The following YLPM1 variants were observed in gnomAD, a reference collection of about 807,000 sequenced individuals.
YLPM1 encodes YLP motif-containing protein 1.
In YLPM1, 99 loss-of-function variants were observed where a neutral mutation model predicts 230.0. The ratio of observed to expected loss-of-function variants is 0.43; its 90% CI spans 0.37 to 0.51. The LOEUF (loss-of-function observed/expected upper bound fraction) is 0.51. Ranked by LOEUF, YLPM1 falls within the 20% of genes least tolerant of loss-of-function variation. The pLI is 0.00. For synonymous variants in YLPM1, 984 were observed against 942.5 expected, an observed-to-expected ratio of 1.04 and a Z score of -0.81; for missense variants, 2,592 against 2,707.7, an observed-to-expected ratio of 0.96 and a Z score of 0.95.
Position 74,786,859 on chromosome 14 carries a change from G to A in YLPM1, c.2282+4534G>A, listed in dbSNP as rs113509469. Among the ~76,000 whole-genome samples, 141 of 152,220 alleles carry A rather than the reference G, an allele frequency of 9.3e-4. 1 individual carries two copies. The highest frequency in any genetic ancestry group is 3.3e-3 in the African/African-American group (136 of 41,546). On this transcript the variant is annotated intron_variant, in intron 4 of 20. Transcript: ENST00000325680. ...ATTATAGAGTATATACATGTTCTGC[G>A]TTAATGGGTATTGTTAAACATTTTT... is the stretch of plus-strand genomic sequence containing the variant.
In YLPM1 at chr14:74,781,412, C is replaced by T. The variant is rs564055671; in HGVS notation, c.1369C>T (p.Arg457Ter). The T allele has an allele frequency of 2.5e-6, 4 of 1,602,730 alleles. No homozygotes were observed. The highest frequency in any genetic ancestry group is 1.7e-5 in the Admixed American group (1 of 57,938). The change falls in exon 4 of 21, where the codon CGA becomes TGA. Residue 457 changes from arginine to a stop codon, truncating the protein, a stop_gained. Coordinates refer to ENST00000325680, the MANE Select transcript of YLPM1 (RefSeq NM_019589.3). LOFTEE classifies it high-confidence loss of function. ...TCAACATCTTTACCAAGAATGGGAG[C>T]GAGAGTTTCAGCTATGGGAGGAACA... ...QFQHLYQEWE[R>*]EFQLWEEQLH...
chr14:74,774,264 G>T (rs1051794715), intron 1 of YLPM1, among the ~76,000 whole-genome samples: 1 of 151,966 alleles, frequency 6.6e-6, no homozygotes, highest in Non-Finnish European at 1.5e-5. Context: ...GTTTTGTTTT[G>T]TTTTCTTTGA....
chr14:74,794,855 A>G (rs898168504), intron 4 of YLPM1, among the ~76,000 whole-genome samples: 2 of 152,224 alleles, frequency 1.3e-5, no homozygotes, highest in South Asian at 2.1e-4. Context: ...TATTTCTGCA[A>G]TGGTCATGTG....
intron 18 of YLPM1, among the ~76,000 whole-genome samples, chr14:74,827,138 T>TAATGTA (rs2091569882): frequency 6.6e-6 from 1 of 152,204 alleles, no homozygotes; most frequent in South Asian, 2.1e-4. Context: ...TACATAGATG[T>TAATGTA]ATCTAAGGAA....
chr14:74,823,717 G>A (rs1193668226), intron 17 of YLPM1, among the ~76,000 whole-genome samples: 2 of 152,110 alleles, frequency 1.3e-5, no homozygotes, highest in African/African-American at 4.8e-5. Context: ...TTAAAATGAA[G>A]TTGAACTTCC....
At chr14:74,827,664 C>G in intron 18 of YLPM1, 1 of 985,284 alleles carries the variant, frequency 1.0e-6, no homozygotes, top group Non-Finnish European at 1.2e-6. Flanking sequence ...CAAAGTTGAT[C>G]GTATTAAGTT....
rs766601480 is a variant in YLPM1 at position 74,797,637 on chromosome 14, C to G, written c.2340C>G (p.Pro780=). ...GGTCAAGGTGTGAAGGACCGAGACC[C>G]AAAGGGCCTCGTTTTGAAGGAAATC... ...DLGSRCEGPR[P]KGPRFEGNRP... The change falls in exon 5 of 21, where the codon CCC becomes CCG. Residue 780 remains proline (P), a synonymous_variant. Transcript: ENST00000325680. The G allele has an allele frequency of 5.1e-6, 8 of 1,570,966 alleles. No homozygotes were observed. The highest frequency in any genetic ancestry group is 2.3e-5 in the South Asian group (2 of 86,212).
chr14:74,816,295 G>A, intron 12 of YLPM1, 30 bp downstream of exon 12: 1 of 1,592,836 alleles, frequency 6.3e-7, no homozygotes, highest in Non-Finnish European at 8.6e-7. Context: ...AAAATCAGCT[G>A]CTTGTGCTGC....
At chr14:74,822,335 T>C (rs1368625570) in intron 17 of YLPM1, among the ~76,000 whole-genome samples, 1 of 152,186 alleles carries the variant, frequency 6.6e-6, no homozygotes, top group Admixed American at 6.5e-5. Flanking sequence ...GTCTTTCTTT[T>C]GTGGAGATTT....
chr14:74,792,924 A>G (rs1325888665), intron 4 of YLPM1, among the ~76,000 whole-genome samples: 8 of 152,216 alleles, frequency 5.3e-5, no homozygotes, highest in Non-Finnish European at 1.2e-4. Flanking sequence ...GTCGTCCTGT[A>G]TCTGACAATG....
chr14:74,812,762 C>T lies in YLPM1; in HGVS notation c.5482C>T (p.Arg1828Trp). Residue 1828 changes from arginine to tryptophan, a missense_variant, in exon 11 of 21, where the codon CGG becomes TGG. Physicochemically the swap from Arg to Trp is moderately radical, Grantham distance 101 (BLOSUM62 -3). This residue lies in a region of YLPM1 where 315 missense variants were observed against 429.3 expected (regional missense o/e 0.73). Coordinates refer to ENST00000325680, the MANE Select transcript of YLPM1 (RefSeq NM_019589.3). ...GGACGATATTTTGAAACCACCGGGC[C>T]GGGAGAGCAGACCTGAGAGAGTGAG... ...NVDDILKPPG[R>W]ESRPERIVVI... 4 of 1,613,376 alleles carry T rather than the reference C, an allele frequency of 2.5e-6. No individual in the cohort carries two copies. The highest frequency in any genetic ancestry group is 2.5e-6 in the Non-Finnish European group (3 of 1,179,640).
At chr14:74,765,262 C>T (rs1353251697) in intron 1 of YLPM1, among the ~76,000 whole-genome samples, 1 of 152,166 alleles carries the variant, frequency 6.6e-6, no homozygotes, top group Non-Finnish European at 1.5e-5. Flanking sequence ...CTAAAGTAGA[C>T]ACTTTTTCAG....
intron 4 of YLPM1, 63 bp from the exon 5 acceptor site, chr14:74,797,517 T>C: frequency 2.2e-6 from 3 of 1,357,598 alleles, no homozygotes; most frequent in Non-Finnish European, 2.9e-6. Flanking sequence ...TAAATATTCT[T>C]ACATGGAGAA....
rs1337922798 is a variant in YLPM1 at position 74,823,210 on chromosome 14, T to G, written c.6112-1046T>G. ...GAAATCTTCAAAATGCTTTGTGACT[T>G]ACTTTACCTGTGTGTCAGTTTGTTT... On this transcript the variant is annotated intron_variant, in intron 17 of 20. Transcript: ENST00000325680. 2.0e-5 allele frequency among the ~76,000 whole-genome samples: 3 copies of G among 152,100 alleles called. No individual in the cohort carries two copies. In the East Asian group the frequency reaches 5.8e-4, roughly 29 times the overall value.
chr14:74,763,986 C>T lies in YLPM1; in HGVS notation c.497C>T (p.Pro166Leu), dbSNP rs751717978. The change falls in exon 1 of 21, where the codon CCC becomes CTC. Residue 166 changes from proline (P) to leucine (L), a missense_variant. By Grantham distance (98) the Pro-to-Leu change is moderately conservative. Transcript: ENST00000325680. ...ATGCCCCCATCTCAGTCTTACATGC[C>T]CCCACCTCAGCCGCCACCCTCTTAC... ...SYMPPSQSYMPPPQPPPSYYP... is the reference protein window; with the variant it reads ...SYMPPSQSYMLPPQPPPSYYP... 9 of 1,564,012 alleles carry T rather than the reference C, an allele frequency of 5.8e-6. No individual in the cohort carries two copies. The Admixed American group carries it at 1.4e-4, about 25-fold the overall frequency.
intron 1 of YLPM1, among the ~76,000 whole-genome samples, chr14:74,772,147 T>A (rs924931810): frequency 5.3e-5 from 8 of 152,086 alleles, no homozygotes; most frequent in Admixed American, 3.3e-4. Flanking sequence ...GAAAATCATT[T>A]AGTATCTAGT....
chr14:74,817,071 C>G lies in YLPM1; in HGVS notation c.5826C>G (p.Asp1942Glu), dbSNP rs1454437413. 1 of 1,609,714 alleles carries G rather than the reference C, an allele frequency of 6.2e-7. No individual in the cohort carries two copies. Among genetic ancestry groups the G allele is most frequent in the Admixed American group, 1.7e-5 (1 of 59,202 alleles). The change falls in exon 14 of 21, where the codon GAC (aspartate) becomes GAG (glutamate). Residue 1942 changes from aspartate to glutamate, a missense_variant. Coordinates refer to ENST00000325680, the MANE Select transcript of YLPM1 (RefSeq NM_019589.3). ...DAINDRVRHFDQFWSAAKTKG... is the reference protein window; with the variant it reads ...DAINDRVRHFEQFWSAAKTKG... Reference sequence around the variant, plus strand: ...TCAATGACAGAGTTAGGCATTTTGACCAGTTTTGGAGTGCAGCAAAAACCA... The same window carrying G: ...TCAATGACAGAGTTAGGCATTTTGAGCAGTTTTGGAGTGCAGCAAAAACCA...
Position 74,763,458 on chromosome 14 carries a change from G to T in YLPM1, c.-32G>T. 7.2e-7 allele frequency: 1 copy of T among 1,390,924 alleles called. No homozygotes were observed. The highest frequency in any genetic ancestry group is 2.8e-5 in the East Asian group (1 of 36,202). The allele number at this position is 1,390,924 out of a possible 1,614,324, so 86.2% of individuals were successfully genotyped here. On this transcript the variant is annotated 5_prime_UTR_variant, in exon 1 of 21. Transcript: ENST00000325680. ...GAGGTCGGTTGCGACGAGTAACGGC[G>T]CCAGGACGAGCCCTGCGCCTTCTTT...
chr14:74,821,041 T>A lies in YLPM1; in HGVS notation c.6031-16T>A. Reference sequence around the variant, plus strand: ...GTTAACTCAGTCTTTTTTTTTTTTTTTAATGGTTGGTATAGGTAGAGATGG... The same window carrying A: ...GTTAACTCAGTCTTTTTTTTTTTTTATAATGGTTGGTATAGGTAGAGATGG... On this transcript the variant is annotated splice_polypyrimidine_tract_variant and intron_variant, in intron 16 of 20. Transcript: ENST00000325680. The A allele has an allele frequency of 6.9e-7, 1 of 1,450,544 alleles. No individual in the cohort carries two copies. The highest frequency in any genetic ancestry group is 1.5e-5 in the South Asian group (1 of 64,634). 89.9% of individuals were successfully genotyped at this position (1,450,544 alleles called of 1,614,324 possible).
Sources: gnomAD v4.1 joint callset for allele counts (sites outside exome capture counted in the v4.1 genomes callset) on GRCh38, gnomAD v4.1.1 for gene constraint, gnomAD v4.1.1 regional missense constraint, MANE v1.5 for transcripts, NCBI Gene and HGNC (gene_info 2026-07-23, HGNC 2026-07-21) for gene names.